TNFRSF21: variants seen among roughly 807,000 people sequenced by gnomAD.
The protein encoded by TNFRSF21 is tumor necrosis factor receptor superfamily member 21.
A neutral mutation model predicts 45.6 loss-of-function variants in TNFRSF21; 19 were observed. The ratio of observed to expected loss-of-function variants is 0.42; its 90% confidence interval spans 0.29 to 0.61. The LOEUF is 0.61. TNFRSF21 is among the 20% of genes least tolerant of loss of function. The pLI is 0.23. For synonymous variants in TNFRSF21, 314 were observed against 335.5 expected, an observed-to-expected ratio of 0.94 and a Z score of 0.70; for missense variants, 737 against 851.5, an observed-to-expected ratio of 0.87 and a Z score of 1.67.
At chr6:47,299,221 T>C (rs1027929888) in intron 1 of TNFRSF21, among the ~76,000 whole-genome samples, 1 of 152,284 alleles carries the variant, frequency 6.6e-6, no homozygotes, top group East Asian at 1.9e-4. Flanking sequence ...CTGGGTGCAG[T>C]GGCTCACACC....
rs1436661152 is a variant in TNFRSF21, at chr6:47,231,637, AC to A, written c.*1127del. The A allele has an allele frequency of 6.6e-6, 1 of 152,608 alleles. No individual in the cohort carries two copies. Among genetic ancestry groups the A allele is most frequent in the Non-Finnish European group, 1.5e-5 (1 of 68,036 alleles). The allele number at this position is 152,608 out of a possible 1,614,324, so 9.5% of individuals were successfully genotyped here. A position where few individuals can be genotyped will look rare whatever the true frequency, so the allele number is the denominator to read the frequency against. ...AACCCCACCCACACAAAGGGAGTCC[AC>A]GCCACCTTTGCATTGGAACCTGGCA... is the stretch of plus-strand genomic sequence containing the variant. On this transcript the variant is annotated 3_prime_UTR_variant, in exon 6 of 6. Transcript: ENST00000296861.
rs532130001 is a variant in TNFRSF21 at position 47,258,765 on chromosome 6, C to T, written c.1244-5244G>A. Among the ~76,000 whole-genome samples the T allele has an allele frequency of 4.6e-5, 7 of 152,110 alleles. 1 individual carries two copies. The South Asian group carries it at 1.5e-3, about 32-fold the overall frequency. ...TTCCTTTCTTTAAATCTATGATACC[C>T]TAAAAGAAAGAGAAAAAGAGAGAGA... is the stretch of plus-strand genomic sequence containing the variant. On this transcript the variant is annotated intron_variant, in intron 3 of 5. Coordinates refer to ENST00000296861, the MANE Select transcript of TNFRSF21 (RefSeq NM_014452.5).
chr6:47,295,414 G>T (rs980774581), intron 1 of TNFRSF21, among the ~76,000 whole-genome samples: 1 of 152,162 alleles, frequency 6.6e-6, no homozygotes, highest in African/African-American at 2.4e-5. Flanking sequence ...TATTCATAAA[G>T]GGCAGGCAGA....
chr6:47,295,013 C>T (rs1762774459), intron 1 of TNFRSF21, among the ~76,000 whole-genome samples: 1 of 152,052 alleles, frequency 6.6e-6, no homozygotes, highest in Admixed American at 6.5e-5. Context: ...GGCAAATATC[C>T]CAAACTGTAC....
chr6:47,244,192 C>T (rs566103807), intron 4 of TNFRSF21, among the ~76,000 whole-genome samples: 3 of 151,900 alleles, frequency 2.0e-5, no homozygotes, highest in Non-Finnish European at 4.4e-5. Flanking sequence ...GGCGTGGTGG[C>T]GGGGACCTGT....
intron 3 of TNFRSF21, among the ~76,000 whole-genome samples, chr6:47,266,077 T>C (rs1377979207): frequency 1.3e-5 from 2 of 152,180 alleles, no homozygotes; most frequent in African/African-American, 4.8e-5. Context: ...CTGAAACCTC[T>C]AGGAAATCTT....
chr6:47,286,688 C>T, intron 1 of TNFRSF21, 93 bp from the exon 2 acceptor site: 1 of 1,312,490 alleles, frequency 7.6e-7, no homozygotes, highest in Non-Finnish European at 1.0e-6. Flanking sequence ...TCCAGCACCA[C>T]CATCATCATT....
At chr6:47,256,081 C>T (rs375525299) in intron 3 of TNFRSF21, among the ~76,000 whole-genome samples, 1 of 152,306 alleles carries the variant, frequency 6.6e-6, no homozygotes, top group Non-Finnish European at 1.5e-5. Flanking sequence ...AAACGAAGGA[C>T]GCTGTGGCTC....
At chr6:47,252,515 T>C (rs895850405) in intron 4 of TNFRSF21, among the ~76,000 whole-genome samples, 2 of 152,212 alleles carry the variant, frequency 1.3e-5, no homozygotes, top group African/African-American at 4.8e-5. Context: ...GTAGAACACT[T>C]TCAATGAGTC....
chr6:47,232,379 G>A lies in TNFRSF21; in HGVS notation c.*386C>T, dbSNP rs1202529000. The A allele has an allele frequency of 5.6e-6, 1 of 177,408 alleles. No homozygotes were observed. The highest frequency in any genetic ancestry group is 2.4e-5 in the African/African-American group (1 of 41,828). 11.0% of individuals were successfully genotyped at this position (177,408 alleles called of 1,614,324 possible). ...GAAGTTAAGAGCCTCACAATCCAGT[G>A]TGTGGGAAAAGTCACACTGCATTTA... On this transcript the variant is annotated 3_prime_UTR_variant, in exon 6 of 6. Coordinates refer to ENST00000296861, the MANE Select transcript of TNFRSF21 (RefSeq NM_014452.5).
At chr6:47,303,934 C>T (rs868337768) in intron 1 of TNFRSF21, among the ~76,000 whole-genome samples, 8 of 152,366 alleles carry the variant, frequency 5.3e-5, no homozygotes, top group South Asian at 2.1e-4. Flanking sequence ...AAATGAGGAT[C>T]CAACTTTGGG....
At chr6:47,296,828 T>C (rs555385026) in intron 1 of TNFRSF21, among the ~76,000 whole-genome samples, 1 of 152,282 alleles carries the variant, frequency 6.6e-6, no homozygotes, top group African/African-American at 2.4e-5. Flanking sequence ...ATTATATCTT[T>C]TATCAAGAAA....
intron 3 of TNFRSF21, among the ~76,000 whole-genome samples, chr6:47,277,673 G>A (rs375257416): frequency 3.6e-4 from 55 of 152,288 alleles, no homozygotes; most frequent in African/African-American, 1.3e-3. Flanking sequence ...CAGAGTCTTT[G>A]TTCCTAACTG....
chr6:47,286,739 A>G, intron 1 of TNFRSF21, 144 bp from the exon 2 acceptor site: 1 of 841,172 alleles, frequency 1.2e-6, no homozygotes, highest in East Asian at 2.7e-5. Flanking sequence ...TCTTGACAGC[A>G]TGCTGCAACA....
chr6:47,283,020 A>G (rs1762591780), intron 3 of TNFRSF21, among the ~76,000 whole-genome samples: 1 of 152,238 alleles, frequency 6.6e-6, no homozygotes, highest in Admixed American at 6.5e-5. Flanking sequence ...GCCAAATGGT[A>G]TAAATATTTG....
chr6:47,272,345 C>T (rs552826920), intron 3 of TNFRSF21, among the ~76,000 whole-genome samples: 4 of 152,174 alleles, frequency 2.6e-5, no homozygotes, highest in African/African-American at 9.7e-5. Context: ...TAAATTAGAA[C>T]TCAGGATTAA....
intron 1 of TNFRSF21, among the ~76,000 whole-genome samples, chr6:47,287,329 A>G (rs1240493269): frequency 6.6e-6 from 1 of 150,594 alleles, no homozygotes; most frequent in Non-Finnish European, 1.5e-5. Context: ...AAAAAAAAAA[A>G]AAAAAGAAAA....
Position 47,284,414 on chromosome 6 carries a change from G to A in TNFRSF21, c.767C>T (p.Ser256Phe). ...TGGTCTAACAGAGGCAGAAGAGTTGGATTCTGTTGAGTTCATGCCTAGAAA... is the reference window on the plus strand; with the variant it reads ...TGGTCTAACAGAGGCAGAAGAGTTGAATTCTGTTGAGTTCATGCCTAGAAA... ...YVPKGMNSTE[S>F]NSSASVRPKV... is the part of the protein sequence containing the mutation. The change falls in exon 3 of 6, where the codon TCC (serine) becomes TTC (phenylalanine). Residue 256 changes from serine (S) to phenylalanine (F), a missense_variant. By Grantham distance (155) the Ser-to-Phe change is radical. Transcript: ENST00000296861. 3 of 1,519,520 alleles carry A rather than the reference G, an allele frequency of 2.0e-6. No individual in the cohort carries two copies. The highest frequency in any genetic ancestry group is 2.6e-6 in the Non-Finnish European group (3 of 1,135,636). The allele number at this position is 1,519,520 out of a possible 1,614,324, so 94.1% of individuals were successfully genotyped here.
chr6:47,263,312 G>A (rs1294249912), intron 3 of TNFRSF21, among the ~76,000 whole-genome samples: 2 of 152,172 alleles, frequency 1.3e-5, no homozygotes, highest in Non-Finnish European at 2.9e-5. Flanking sequence ...AAACATCTGG[G>A]TCTGCCAAGC....
Sources: allele counts gnomAD v4.1 joint callset (sites outside exome capture counted in the v4.1 genomes callset), GRCh38; gene constraint gnomAD v4.1.1; transcripts MANE v1.5; gene names NCBI Gene and HGNC (gene_info 2026-07-23, HGNC 2026-07-21).